ZEB1: variants seen among roughly 807,000 people sequenced by gnomAD.
The protein encoded by ZEB1 is zinc finger E-box binding homeobox 1.
In ZEB1, 21 loss-of-function variants were observed where a neutral mutation model predicts 84.9. The observed-to-expected ratio is 0.25, with a 90% confidence interval of 0.18 to 0.36. The LOEUF (loss-of-function observed/expected upper bound fraction) is 0.36, where lower values mean the gene tolerates loss of function less well. Among genes scored for constraint, ZEB1 ranks in the 10% least tolerant of loss-of-function variants. ZEB1 has a pLI of 1.00. For missense variants in ZEB1, 1,104 were observed against 1,330.2 expected (o/e 0.83, Z 2.65); for synonymous variants, 420 against 471.1 (o/e 0.89, Z 1.41).
intron 1 of ZEB1, among the ~76,000 whole-genome samples, chr10:31,449,785 T>C (rs1450062311): frequency 6.6e-6 from 1 of 152,210 alleles, no homozygotes; most frequent in Non-Finnish European, 1.5e-5. Flanking sequence ...CCTGAGTATT[T>C]TAATGTGTTT....
At chr10:31,344,366 G>A (rs2039928322) in intron 1 of ZEB1, among the ~76,000 whole-genome samples, 1 of 151,860 alleles carries the variant, frequency 6.6e-6, no homozygotes, top group Non-Finnish European at 1.5e-5. Context: ...TTGACAATTT[G>A]TCAACTCAAG....
At chr10:31,471,321 C>G (rs1236020415) in intron 2 of ZEB1, among the ~76,000 whole-genome samples, 1 of 134,382 alleles carries the variant, frequency 7.4e-6, no homozygotes, top group Non-Finnish European at 1.6e-5. Flanking sequence ...GGAAACCCAT[C>G]TCACGTGCAG....
chr10:31,440,157 T>C (rs922488705), intron 1 of ZEB1, among the ~76,000 whole-genome samples: 15 of 152,158 alleles, frequency 9.9e-5, no homozygotes, highest in African/African-American at 3.6e-4. Flanking sequence ...GAGTCAAAAC[T>C]ATCACTGAGA....
intron 1 of ZEB1, among the ~76,000 whole-genome samples, chr10:31,333,902 A>G (rs1421712998): frequency 1.3e-5 from 2 of 152,058 alleles, no homozygotes; most frequent in African/African-American, 4.8e-5. Flanking sequence ...GAAATGTTGT[A>G]TGGCTATATA....
chr10:31,407,294 G>C (rs1035290718), intron 1 of ZEB1, among the ~76,000 whole-genome samples: 1 of 133,074 alleles, frequency 7.5e-6, no homozygotes, highest in Non-Finnish European at 1.5e-5. Context: ...CCCTTCCTGT[G>C]TCCATGTGTT....
chr10:31,320,353 A>G (rs962715198), intron 1 of ZEB1: 1 of 152,108 alleles, frequency 6.6e-6, no homozygotes, highest in Non-Finnish European at 1.5e-5. Context: ...CTGCGCCGGG[A>G]TGGGCCGGTG....
intron 1 of ZEB1, among the ~76,000 whole-genome samples, chr10:31,455,485 A>T (rs1413684943): frequency 6.6e-6 from 1 of 152,166 alleles, no homozygotes; most frequent in Non-Finnish European, 1.5e-5. Context: ...AACCTACAGA[A>T]TGGGAGAAAA....
intron 1 of ZEB1, among the ~76,000 whole-genome samples, chr10:31,327,127 A>G (rs1393336250): frequency 1.1e-5 from 1 of 92,402 alleles, no homozygotes; most frequent in Non-Finnish European, 2.0e-5. Context: ...TTTTTGAGAC[A>G]GTTTGACAGT....
chr10:31,442,091 A>G (rs1168436943), intron 1 of ZEB1, among the ~76,000 whole-genome samples: 1 of 152,260 alleles, frequency 6.6e-6, no homozygotes, highest in Non-Finnish European at 1.5e-5. Context: ...TCATGCTGCT[A>G]TAAAGACACA....
intron 1 of ZEB1, among the ~76,000 whole-genome samples, chr10:31,396,334 G>A (rs2050719712): frequency 6.6e-6 from 1 of 152,200 alleles, no homozygotes; most frequent in South Asian, 2.1e-4. Flanking sequence ...CAAAAACAGT[G>A]TGATAACACA....
chr10:31,514,746 A>C lies in ZEB1; in HGVS notation c.793+38A>C, dbSNP rs756557478. The C allele has an allele frequency of 9.0e-6, 13 of 1,451,160 alleles. 1 individual carries two copies. The Admixed American group carries it at 2.2e-4, about 25-fold the overall frequency. 89.9% of individuals were successfully genotyped at this position (1,451,160 alleles called of 1,614,324 possible). On this transcript the variant is annotated intron_variant, in intron 6 of 8. Coordinates refer to ENST00000424869, the MANE Select transcript of ZEB1 (RefSeq NM_001174096.2). The stretch of plus-strand genomic sequence containing the variant: ...TTTCTTTCTATACCCTGAATATCAT[A>C]GCATATGTGGTAATAAATAAATATC...
intron 1 of ZEB1, among the ~76,000 whole-genome samples, chr10:31,439,785 A>G (rs2058702775): frequency 6.6e-6 from 1 of 152,174 alleles, no homozygotes; most frequent in Non-Finnish European, 1.5e-5. Flanking sequence ...AGAGGCCAGT[A>G]TACCTGGAAT....
At chr10:31,475,023 G>A (rs919635494) in intron 2 of ZEB1, among the ~76,000 whole-genome samples, 1 of 127,870 alleles carries the variant, frequency 7.8e-6, no homozygotes, top group African/African-American at 2.9e-5. Flanking sequence ...AGATCACATG[G>A]ACACAGGAAG....
intron 1 of ZEB1, among the ~76,000 whole-genome samples, chr10:31,449,519 T>C (rs2060270548): frequency 6.6e-6 from 1 of 152,160 alleles, no homozygotes; most frequent in African/African-American, 2.4e-5. Flanking sequence ...GGTTTCATTT[T>C]GGTGAAAGTC....
At chr10:31,385,458 A>T (rs1326350363) in intron 1 of ZEB1, among the ~76,000 whole-genome samples, 1 of 151,954 alleles carries the variant, frequency 6.6e-6, no homozygotes. Flanking sequence ...CTTTATCAGT[A>T]CCATTAATCA....
At chr10:31,482,082 G>A (rs1233374828) in intron 2 of ZEB1, among the ~76,000 whole-genome samples, 3 of 151,884 alleles carry the variant, frequency 2.0e-5, no homozygotes, top group African/African-American at 2.4e-5. Flanking sequence ...CATCACAACT[G>A]GTGTGGAAAA....
At position 31,502,429 on chromosome 10, in the gene ZEB1, A is replaced by G. The variant is rs778063411; in HGVS notation, c.404A>G (p.Asp135Gly). Reference protein sequence around the residue: ...PNVEEFLQQQDTAVIFPEAPE... With the variant: ...PNVEEFLQQQGTAVIFPEAPE... ...GTTGAAGAGTTTCTACAACAACAAG[A>G]CACTGCTGTCATTTTTCCTGAGGCA... Residue 135 changes from aspartate (D) to glycine (G), a missense_variant, in exon 4 of 9, where the codon GAC becomes GGC. Coordinates refer to ENST00000424869, the MANE Select transcript of ZEB1 (RefSeq NM_001174096.2). 6.2e-7 allele frequency: 1 copy of G among 1,613,958 alleles called. No homozygotes were observed. The highest frequency in any genetic ancestry group is 8.5e-7 in the Non-Finnish European group (1 of 1,179,858).
At chr10:31,334,063 A>C (rs1335027763) in intron 1 of ZEB1, among the ~76,000 whole-genome samples, 2 of 151,990 alleles carry the variant, frequency 1.3e-5, no homozygotes, top group African/African-American at 4.8e-5. Flanking sequence ...CTGCAGAAGA[A>C]ATAGGTAAAT....
chr10:31,327,626 G>T (rs1020790244), intron 1 of ZEB1, among the ~76,000 whole-genome samples: 1 of 152,098 alleles, frequency 6.6e-6, no homozygotes, highest in Non-Finnish European at 1.5e-5. Context: ...AATGGCTGTG[G>T]AAGAGTTTCT....
Sources: gnomAD v4.1 joint callset for allele counts (sites outside exome capture counted in the v4.1 genomes callset) on GRCh38, gnomAD v4.1.1 for gene constraint, MANE v1.5 for transcripts, NCBI Gene and HGNC (gene_info 2026-07-23, HGNC 2026-07-21) for gene names.